Variants in PFKFB4 observed in about 807,000 individuals in gnomAD.
The protein encoded by PFKFB4 is 6-phosphofructo-2-kinase/fructose-2,6-bisphosphatase 4.
A neutral mutation model predicts 62.8 loss-of-function variants in PFKFB4; 42 were observed. The observed-to-expected ratio is 0.67, with a 90% CI of 0.52 to 0.86. The LOEUF is 0.86. Ranked by LOEUF, PFKFB4 falls within the 40% of genes least tolerant of loss-of-function variation. The pLI is 0.00. For missense variants in PFKFB4, 475 were observed against 627.2 expected (o/e 0.76, Z 2.59); for synonymous variants, 204 against 240.7 (o/e 0.85, Z 1.41).
At chr3:48,540,813 C>T (rs57408668) in intron 4 of PFKFB4, among the ~76,000 whole-genome samples, 216 of 150,052 alleles carry the variant, frequency 1.4e-3, no homozygotes, top group African/African-American at 5.1e-3. Context: ...CTTGCTCTGT[C>T]GCCCAGGCTG....
At chr3:48,551,692 A>G (rs923240531) in intron 1 of PFKFB4, among the ~76,000 whole-genome samples, 8 of 145,612 alleles carry the variant, frequency 5.5e-5, no homozygotes, top group African/African-American at 2.0e-4. Flanking sequence ...TTACAAGCAC[A>G]TGCCACCACA....
At chr3:48,562,882 G>T (rs1335501201), upstream of PFKFB4, 1 of 1,601,184 alleles carries the variant, frequency 6.2e-7, no homozygotes, top group African/African-American at 1.3e-5. The surrounding 1 kb of genome is among the most constrained non-coding windows in gnomAD (Gnocchi z 4.3). Context: ...TCTGCAAGAG[G>T]CCGATGGGGA....
At chr3:48,523,666 C>T in intron 11 of PFKFB4, 35 bp downstream of exon 11, 1 of 1,614,106 alleles carries the variant, frequency 6.2e-7, no homozygotes. Flanking sequence ...CCTTCTCACA[C>T]AACCTTCCCA....
chr3:48,543,603 T>A lies in PFKFB4; in HGVS notation c.355A>T (p.Ser119Cys). 6.2e-7 allele frequency: 1 copy of A among 1,611,726 alleles called. No individual in the cohort carries two copies. Among genetic ancestry groups the A allele is most frequent in the Non-Finnish European group, 8.5e-7 (1 of 1,179,242 alleles). ...ACCGCCACATGTCCCCCCTCCTCAC[T>A]AAGGAACCGCCGGACGTCACGGAGG... ...AALRDVRRFLSEEGGHVAVFD... is the reference protein window; with the variant it reads ...AALRDVRRFLCEEGGHVAVFD... Residue 119 changes from serine (S) to cysteine (C), a missense_variant, in exon 4 of 14, where the codon AGT becomes TGT. By Grantham distance (112) the Ser-to-Cys change is moderately radical. Transcript: ENST00000232375.
chr3:48,545,928 G>A lies in PFKFB4; in HGVS notation c.312-2282C>T, dbSNP rs968503668. On this transcript the variant is annotated intron_variant, in intron 3 of 13. Coordinates refer to ENST00000232375, the MANE Select transcript of PFKFB4 (RefSeq NM_004567.4). ...GTTCTGGGCTAAGATCTCTTTTGTG[G>A]GCTGCTCTGGCCATGACACCACCAT... Among the ~76,000 whole-genome samples, 6 of 152,260 alleles carry A rather than the reference G, an allele frequency of 3.9e-5. No individual in the cohort carries two copies. In the South Asian group the frequency reaches 1.2e-3, roughly 31 times the overall value.
At chr3:48,559,531 C>T (rs1254379275), upstream of PFKFB4, 2 of 457,048 alleles carry the variant, frequency 4.4e-6, no homozygotes, top group Non-Finnish European at 8.8e-6. Flanking sequence ...CCCCTGTGTC[C>T]TCTCCATGGA....
chr3:48,549,611 AC>A (rs1379834774), intron 3 of PFKFB4, among the ~76,000 whole-genome samples: 1 of 150,692 alleles, frequency 6.6e-6, no homozygotes, highest in East Asian at 1.9e-4. Flanking sequence ...CACACAACAC[AC>A]CCTCTCCTCT....
In PFKFB4 at chr3:48,546,225, A is replaced by G. The variant is rs116980508; in HGVS notation, c.312-2579T>C. On this transcript the variant is annotated intron_variant, in intron 3 of 13. Transcript: ENST00000232375. ...GCACAACCCCTGTGTGCGGTATGTG[A>G]CTAAATGGGCACAGGTATGAGTGAG... Among the ~76,000 whole-genome samples, 181 of 152,190 alleles carry G rather than the reference A, an allele frequency of 1.2e-3. 1 individual carries two copies. The East Asian group carries it at 0.03, about 25-fold the overall frequency.
chr3:48,524,197 CAA>C (rs1413137421), intron 10 of PFKFB4, among the ~76,000 whole-genome samples: 2 of 152,196 alleles, frequency 1.3e-5, no homozygotes, highest in Non-Finnish European at 2.9e-5. Context: ...AGTGCACTGA[CAA>C]GAGCGAAGGG....
At position 48,523,713 on chromosome 3, in the gene PFKFB4, C is replaced by T. The variant is rs201508846; in HGVS notation, c.1210G>A (p.Asp404Asn). 9 of 1,614,004 alleles carry T rather than the reference C, an allele frequency of 5.6e-6. No individual in the cohort carries two copies. In the African/African-American group the frequency reaches 6.7e-5, roughly 12 times the overall value. The part of the protein sequence containing the change: ...VMRCLLAYFL[D>N]KAAEQLPYLK... ...GCACAGCCCACACCTGCTGCCTTGT[C>T]GAGGAAGTAGGCCAGCAGGCAGCGC... is the stretch of plus-strand genomic sequence containing the variant. Residue 404 changes from aspartate (D) to asparagine (N), a missense_variant, in exon 11 of 14, where the codon GAC (aspartate) becomes AAC (asparagine). Physicochemically the swap from Asp to Asn is conservative, Grantham distance 23. Coordinates refer to ENST00000232375, the MANE Select transcript of PFKFB4 (RefSeq NM_004567.4).
At position 48,524,934 on chromosome 3, in the gene PFKFB4, C is replaced by T. The variant is rs186236687; in HGVS notation, c.1092+631G>A. Among the ~76,000 whole-genome samples the T allele has an allele frequency of 1.3e-3, 205 of 152,164 alleles. 2 individuals are homozygous for T. The highest frequency in any genetic ancestry group is 7.4e-4 in the Non-Finnish European group (50 of 68,002). On this transcript the variant is annotated intron_variant, in intron 10 of 13. Coordinates refer to ENST00000232375, the MANE Select transcript of PFKFB4 (RefSeq NM_004567.4). ...GACAAGTGCAGTGGCTTGTGGTAGC[C>T]AACTCATGTGTGGAAGGTCTCCCTG... is the stretch of plus-strand genomic sequence containing the variant.
At chr3:48,552,194 A>C (rs1402223905) in intron 1 of PFKFB4, among the ~76,000 whole-genome samples, 1 of 152,224 alleles carries the variant, frequency 6.6e-6, no homozygotes, top group Non-Finnish European at 1.5e-5. Context: ...AGAGAAGCCT[A>C]GTGCTATCCA....
chr3:48,523,424 G>T, intron 12 of PFKFB4, 113 bp downstream of exon 12: 1 of 1,008,762 alleles, frequency 9.9e-7, no homozygotes. Flanking sequence ...GGGGTAGTAG[G>T]TGGAGGAATG....
intron 6 of PFKFB4, 56 bp from the exon 7 acceptor site, chr3:48,538,675 C>A: frequency 6.2e-7 from 1 of 1,610,668 alleles, no homozygotes; most frequent in Non-Finnish European, 8.5e-7. Context: ...CAGGCGGGGC[C>A]AGAGACCAAG....
At chr3:48,543,404 C>A (rs1026499074) in intron 4 of PFKFB4, among the ~76,000 whole-genome samples, 176 bp downstream of exon 4, 1 of 152,242 alleles carries the variant, frequency 6.6e-6, no homozygotes, top group African/African-American at 2.4e-5. Context: ...TGGCCCATAT[C>A]CAGTCTCTGG....
intron 9 of PFKFB4, among the ~76,000 whole-genome samples, chr3:48,527,908 C>T (rs1453559956): frequency 1.3e-5 from 2 of 151,798 alleles, no homozygotes; most frequent in African/African-American, 2.4e-5. Flanking sequence ...AGGCTGGTCT[C>T]GAACTCCTGG....
At chr3:48,533,562 A>G (rs1271498685) in intron 9 of PFKFB4, among the ~76,000 whole-genome samples, 2 of 152,226 alleles carry the variant, frequency 1.3e-5, no homozygotes, top group Non-Finnish European at 2.9e-5. Context: ...ATTATTAAAA[A>G]AGGACAAATT....
chr3:48,558,300 G>C (rs2043379723), upstream of PFKFB4, among the ~76,000 whole-genome samples: 1 of 151,940 alleles, frequency 6.6e-6, no homozygotes, highest in Non-Finnish European at 1.5e-5. Context: ...CTCTGCCCCA[G>C]CCCCCACCAA....
chr3:48,536,495 G>T, intron 7 of PFKFB4, 32 bp from the exon 8 acceptor site: 2 of 1,561,040 alleles, frequency 1.3e-6, no homozygotes, highest in South Asian at 2.2e-5. Context: ...AGAGGCCTGT[G>T]AGCGTGGCCA....
Sources: allele counts gnomAD v4.1 joint callset (sites outside exome capture counted in the v4.1 genomes callset), GRCh38; gene constraint gnomAD v4.1.1; non-coding constraint Gnocchi (gnomAD v3.1); transcripts MANE v1.5; gene names NCBI Gene and HGNC (gene_info 2026-07-23, HGNC 2026-07-21).